ASS1: variants seen among roughly 807,000 people sequenced by gnomAD.
The protein encoded by ASS1 is argininosuccinate synthase.
A neutral mutation model predicts 60.5 loss-of-function variants in ASS1; 58 were observed. The observed-to-expected ratio is 0.96, with a 90% CI of 0.78 to 1.19. The LOEUF is 1.19. Ranked by LOEUF, ASS1 falls within the 50% of genes most tolerant of loss-of-function variation. ASS1 has a pLI of 0.00. For synonymous variants in ASS1, 200 were observed against 206.9 expected (o/e 0.97, Z 0.29); for missense variants, 454 against 547.3 (o/e 0.83, Z 1.70).
rs530220014 is a variant in ASS1 at position 130,474,472 on chromosome 9, G to A, written c.598-2399G>A. Among the ~76,000 whole-genome samples, 11 of 152,336 alleles carry A rather than the reference G, an allele frequency of 7.2e-5. No individual in the cohort carries two copies. The South Asian group carries it at 2.3e-3, about 32-fold the overall frequency. ...TTGACAGTCGGGCCCAGCGCAGGTG[G>A]AGGTGGGAGAGAGCTGGGCTTGGGT... On this transcript the variant is annotated intron_variant, in intron 8 of 14. Transcript: ENST00000352480.
chr9:130,454,377 C>T lies in ASS1; in HGVS notation c.174+4C>T, dbSNP rs368133957. The T allele has an allele frequency of 6.2e-7, 1 of 1,613,272 alleles. No homozygotes were observed. Among genetic ancestry groups the T allele is most frequent in the Non-Finnish European group, 8.5e-7 (1 of 1,179,658 alleles). On this transcript the variant is annotated splice_donor_region_variant and intron_variant, in intron 3 of 14. Coordinates refer to ENST00000352480, the MANE Select transcript of ASS1 (RefSeq NM_054012.4). ...ACTGAAGCTTGGGGCCAAAAAGGTA[C>T]CAGGCGGGAGGCAGGGATTTGGGCT...
At chr9:130,464,525 G>A (rs546039846) in intron 5 of ASS1, among the ~76,000 whole-genome samples, 12 of 152,246 alleles carry the variant, frequency 7.9e-5, no homozygotes, top group Non-Finnish European at 1.5e-4. Flanking sequence ...GTGCGGGTGG[G>A]GATGGCTCTG....
chr9:130,495,994 G>A lies in ASS1; in HGVS notation c.1127+971G>A, dbSNP rs147113567. Among the ~76,000 whole-genome samples the A allele has an allele frequency of 5.6e-4, 86 of 152,262 alleles. No homozygotes were observed. In the East Asian group the frequency reaches 0.012, roughly 21 times the overall value. On this transcript the variant is annotated intron_variant, in intron 13 of 14. Transcript: ENST00000352480. ...TGAGATAGCTGGGAAAAACTAACTG[G>A]AAGGCCGCCGGACACTTGGGTCTAG... is the stretch of plus-strand genomic sequence containing the variant.
chr9:130,500,646 G>T (rs1846730737), intron 14 of ASS1, among the ~76,000 whole-genome samples: 1 of 151,992 alleles, frequency 6.6e-6, no homozygotes, highest in South Asian at 2.1e-4. Context: ...TGCGCCCTCT[G>T]TTTGTATTTT....
rs10901085 is a variant in ASS1, at chr9:130,488,455, T to G, written c.839-878T>G. On this transcript the variant is annotated intron_variant, in intron 11 of 14. Coordinates refer to ENST00000352480, the MANE Select transcript of ASS1 (RefSeq NM_054012.4). The surrounding 1 kb of genome is among the most constrained non-coding windows in gnomAD (Gnocchi z 5.2). Reference sequence around the variant, plus strand: ...GGGGCAAGAGGGGGCCTGGGCTGTGTGCTGTGGGCGGTCCTGCCTCTTGGT... The same window carrying G: ...GGGGCAAGAGGGGGCCTGGGCTGTGGGCTGTGGGCGGTCCTGCCTCTTGGT... Among the ~76,000 whole-genome samples the G allele has an allele frequency of 0.32, 49,292 of 152,192 alleles. 9,744 individuals carry two copies. Among genetic ancestry groups the G allele is most frequent in the Middle Eastern group, 0.47 (139 of 294 alleles).
intron 8 of ASS1, among the ~76,000 whole-genome samples, chr9:130,471,916 G>A (rs1320214139): frequency 6.6e-6 from 1 of 152,116 alleles, no homozygotes; most frequent in Non-Finnish European, 1.5e-5. Context: ...GTGGGGGGAG[G>A]CATGGCTGAG....
Position 130,476,968 on chromosome 9 carries a change from G to T in ASS1, c.688+7G>T, listed in dbSNP as rs1846038006. 1.2e-6 allele frequency: 2 copies of T among 1,612,908 alleles called. No homozygotes were observed. The highest frequency in any genetic ancestry group is 3.3e-5 in the Admixed American group (2 of 60,002). On this transcript the variant is annotated splice_region_variant and intron_variant, in intron 9 of 14. Coordinates refer to ENST00000352480, the MANE Select transcript of ASS1 (RefSeq NM_054012.4). The surrounding 1 kb of genome is among the most constrained non-coding windows in gnomAD (Gnocchi z 4.9). ...GAGATCGAGTTCAAAAAAGGTATGT[G>T]CCCACCTGTTGGGACTCGAAGGGGG...
At chr9:130,457,529 T>TG (rs1653440592) in intron 3 of ASS1, among the ~76,000 whole-genome samples, 1 of 152,170 alleles carries the variant, frequency 6.6e-6, no homozygotes, top group South Asian at 2.1e-4. Context: ...TGGGAACCCC[T>TG]GGGGGTCTAC....
intron 4 of ASS1, among the ~76,000 whole-genome samples, chr9:130,461,321 T>C (rs1845585903): frequency 6.6e-6 from 1 of 152,146 alleles, no homozygotes; most frequent in Admixed American, 6.5e-5. Context: ...CGCAGCCGTG[T>C]GCGCCCCTCC....
chr9:130,479,652 G>A, intron 9 of ASS1, 64 bp from the exon 10 acceptor site: 1 of 1,283,058 alleles, frequency 7.8e-7, no homozygotes. Context: ...AGGGTGGGGT[G>A]GCGGGTGCAG....
In ASS1 at chr9:130,451,123, G is replaced by A. The variant is rs79584419; in HGVS notation, c.-5-1101G>A. On this transcript the variant is annotated intron_variant, in intron 1 of 14. Coordinates refer to ENST00000352480, the MANE Select transcript of ASS1 (RefSeq NM_054012.4). ...AAGCCCAGGGCCACAGGAGGCATGTGGGGGAGGGGGGTGCAGGGCGAGCCC... is the reference window on the plus strand; with the variant it reads ...AAGCCCAGGGCCACAGGAGGCATGTAGGGGAGGGGGGTGCAGGGCGAGCCC... Among the ~76,000 whole-genome samples, 1,095 of 152,326 alleles carry A rather than the reference G, an allele frequency of 7.2e-3. 12 individuals carry two copies. Among genetic ancestry groups the A allele is most frequent in the African/African-American group, 0.025 (1,035 of 41,576 alleles).
intron 8 of ASS1, among the ~76,000 whole-genome samples, chr9:130,472,296 G>C (rs1845885189): frequency 6.6e-6 from 1 of 152,148 alleles, no homozygotes; most frequent in African/African-American, 2.4e-5. Flanking sequence ...GGGTGCCCGG[G>C]GAGGTTTGGT....
At chr9:130,469,126 C>T (rs778105345) in intron 6 of ASS1, among the ~76,000 whole-genome samples, 3 of 152,214 alleles carry the variant, frequency 2.0e-5, no homozygotes, top group Admixed American at 6.5e-5. Context: ...CTTCTTAGCA[C>T]CCAGCTGCTG....
In ASS1 at chr9:130,477,741, G is replaced by C. The variant is rs941794416; in HGVS notation, c.688+780G>C. On this transcript the variant is annotated intron_variant, in intron 9 of 14. Transcript: ENST00000352480. This position sits in a 1 kb window ranked among gnomAD's most constrained non-coding sequence, Gnocchi z 4.2. ...CCTTTTCAGGAGGCTGGAGTGATCA[G>C]GGAGGCTTCCTGGAGGAGGTGGTGC... Among the ~76,000 whole-genome samples the C allele has an allele frequency of 6.6e-6, 1 of 152,218 alleles. No homozygotes were observed. The highest frequency in any genetic ancestry group is 2.4e-5 in the African/African-American group (1 of 41,454).
At chr9:130,492,012 A>G (rs1191447129) in intron 12 of ASS1, among the ~76,000 whole-genome samples, 1 of 152,200 alleles carries the variant, frequency 6.6e-6, no homozygotes, top group Non-Finnish European at 1.5e-5. Flanking sequence ...CCTAGGCCTC[A>G]GTTTTCCCAT....
At chr9:130,490,433 C>G (rs562866975) in intron 12 of ASS1, among the ~76,000 whole-genome samples, 5 of 152,236 alleles carry the variant, frequency 3.3e-5, no homozygotes, top group Non-Finnish European at 7.4e-5. Flanking sequence ...CCTGCCTGAG[C>G]CTGCTGAGTG....
intron 7 of ASS1, 86 bp from the exon 8 acceptor site, chr9:130,471,399 T>C: frequency 1.3e-6 from 2 of 1,530,570 alleles, no homozygotes; most frequent in Non-Finnish European, 1.8e-6. Context: ...ACCAGGCTCA[T>C]GGGCACAATG....
intron 7 of ASS1, 136 bp from the exon 8 acceptor site, chr9:130,471,349 C>A: frequency 9.2e-7 from 1 of 1,084,710 alleles, no homozygotes; most frequent in South Asian, 1.3e-5. Flanking sequence ...ATGTTTCAGG[C>A]AGGTTGGCAG....
At position 130,476,800 on chromosome 9, in the gene ASS1, C is replaced by T. The variant is rs1275241796; in HGVS notation, c.598-71C>T. The T allele has an allele frequency of 1.4e-5, 20 of 1,412,164 alleles. No homozygotes were observed. The highest frequency in any genetic ancestry group is 6.8e-5 in the East Asian group (3 of 43,930). The allele number at this position is 1,412,164 out of a possible 1,614,324, so 87.5% of individuals were successfully genotyped here. A position where few individuals can be genotyped will look rare whatever the true frequency, so the allele number is the denominator to read the frequency against. On this transcript the variant is annotated intron_variant, in intron 8 of 14. Coordinates refer to ENST00000352480, the MANE Select transcript of ASS1 (RefSeq NM_054012.4). This position sits in a 1 kb window ranked among gnomAD's most constrained non-coding sequence, Gnocchi z 4.9. ...GACAGAGGAGAGGGGTGCAGATCCC[C>T]GCGGGAGGTGGGCTGTAGGGTGTCC...
Sources: allele counts gnomAD v4.1 joint callset (sites outside exome capture counted in the v4.1 genomes callset), GRCh38; gene constraint gnomAD v4.1.1; non-coding constraint Gnocchi (gnomAD v3.1); transcripts MANE v1.5; gene names NCBI Gene and HGNC (gene_info 2026-07-23, HGNC 2026-07-21).